Variants in UGGT1 observed in about 807,000 individuals in gnomAD.
The protein encoded by UGGT1 is UDP-glucose glycoprotein glucosyltransferase 1.
A neutral mutation model predicts 203.9 loss-of-function variants in UGGT1; 107 were observed. The observed-to-expected ratio is 0.52, with a 90% confidence interval of 0.45 to 0.62. The LOEUF is 0.62. UGGT1 is among the 20% of genes least tolerant of loss of function. The pLI is 0.00. For synonymous variants in UGGT1, 628 were observed against 653.5 expected (o/e 0.96, Z 0.59); for missense variants, 1,673 against 1,867.2 (o/e 0.90, Z 1.92).
At chr2:128,100,145 T>G (rs921269255) in intron 2 of UGGT1, among the ~76,000 whole-genome samples, 3 of 151,280 alleles carry the variant, frequency 2.0e-5, no homozygotes, top group African/African-American at 7.3e-5. Flanking sequence ...ATTCTCATTC[T>G]CCTGCCTTAG....
rs753999559 is a variant in UGGT1 at position 128,190,709 on chromosome 2, A to G, written c.*967A>G. The G allele has an allele frequency of 6.6e-6, 1 of 152,328 alleles. No homozygotes were observed. The highest frequency in any genetic ancestry group is 2.1e-4 in the South Asian group (1 of 4,832). 9.4% of individuals were successfully genotyped at this position (152,328 alleles called of 1,614,324 possible). ...CAGGCTCCCTCAAGACGAGCACCGCATTGTCTGCCCTCTTTTGCGTAGGAT... is the reference window on the plus strand; with the variant it reads ...CAGGCTCCCTCAAGACGAGCACCGCGTTGTCTGCCCTCTTTTGCGTAGGAT... On this transcript the variant is annotated 3_prime_UTR_variant, in exon 41 of 41. Transcript: ENST00000259253.
At chr2:128,122,108 T>G (rs886659647) in intron 10 of UGGT1, among the ~76,000 whole-genome samples, 2 of 152,152 alleles carry the variant, frequency 1.3e-5, no homozygotes, top group Non-Finnish European at 2.9e-5. Flanking sequence ...ATGCCTGTAA[T>G]CCCAGCACTT....
chr2:128,106,115 T>C (rs1277617100), intron 3 of UGGT1, among the ~76,000 whole-genome samples: 1 of 151,570 alleles, frequency 6.6e-6, no homozygotes, highest in Non-Finnish European at 1.5e-5. Flanking sequence ...TGAATCTTTT[T>C]TTTTTTTTTT....
intron 14 of UGGT1, among the ~76,000 whole-genome samples, chr2:128,134,060 A>G (rs1689013773): frequency 6.6e-6 from 1 of 152,138 alleles, no homozygotes; most frequent in Non-Finnish European, 1.5e-5. Flanking sequence ...TCCCGCAGAA[A>G]GAGTCTTGCT....
intron 4 of UGGT1, among the ~76,000 whole-genome samples, chr2:128,109,050 C>A (rs1225001601): frequency 6.6e-6 from 1 of 152,030 alleles, no homozygotes; most frequent in Non-Finnish European, 1.5e-5. Context: ...TGCTACCACA[C>A]CCAGCTAATT....
At chr2:128,145,490 A>C (rs1375155233) in intron 17 of UGGT1, among the ~76,000 whole-genome samples, 1 of 99,588 alleles carries the variant, frequency 1.0e-5, no homozygotes, top group African/African-American at 3.6e-5. Context: ...CCTGTGCTAC[A>C]CACACACACA....
chr2:128,097,795 A>G (rs1014155855), intron 2 of UGGT1, among the ~76,000 whole-genome samples: 1 of 152,214 alleles, frequency 6.6e-6, no homozygotes, highest in Admixed American at 6.5e-5. Context: ...TGGACAAATA[A>G]CTGTGTTGGA....
intron 26 of UGGT1, among the ~76,000 whole-genome samples, chr2:128,168,986 G>A (rs1690942698): frequency 6.9e-6 from 1 of 145,622 alleles, no homozygotes; most frequent in South Asian, 2.2e-4. Context: ...GGTGGAGGTT[G>A]CAGTGAACCG....
intron 35 of UGGT1, 75 bp downstream of exon 35, chr2:128,179,945 T>A: frequency 7.0e-7 from 1 of 1,423,186 alleles, no homozygotes; most frequent in Non-Finnish European, 9.7e-7. Flanking sequence ...ACTTTTGTTT[T>A]ATCTGTATAC....
intron 39 of UGGT1, chr2:128,187,181 C>T: frequency 3.0e-6 from 1 of 336,838 alleles, no homozygotes; most frequent in Non-Finnish European, 5.3e-6. Flanking sequence ...TGCTGAGTCA[C>T]TCCTTGGCTT....
intron 15 of UGGT1, among the ~76,000 whole-genome samples, chr2:128,135,374 T>C (rs1453499449): frequency 6.6e-6 from 1 of 152,210 alleles, no homozygotes; most frequent in African/African-American, 2.4e-5. Flanking sequence ...GTTACTTCAC[T>C]TGTGTTGCCA....
Position 128,155,594 on chromosome 2 carries a change from C to T in UGGT1, c.2236+7C>T. ...AACTATCTGACAAAGAAAGGTAATCCATTTGAGGCTTATTATCTTGCATTC... is the reference window on the plus strand; with the variant it reads ...AACTATCTGACAAAGAAAGGTAATCTATTTGAGGCTTATTATCTTGCATTC... On this transcript the variant is annotated splice_region_variant and intron_variant, in intron 20 of 40. Coordinates refer to ENST00000259253, the MANE Select transcript of UGGT1 (RefSeq NM_020120.4). 6.2e-7 allele frequency: 1 copy of T among 1,601,630 alleles called. No homozygotes were observed. The highest frequency in any genetic ancestry group is 8.5e-7 in the Non-Finnish European group (1 of 1,173,716).
In UGGT1 at chr2:128,092,237, CTT is replaced by C. The variant is rs5834189; in HGVS notation, c.58+834_58+835del. Among the ~76,000 whole-genome samples, 479 of 145,564 alleles carry C rather than the reference CTT, an allele frequency of 3.3e-3. 1 individual carries two copies. The highest frequency in any genetic ancestry group is 8.2e-3 in the African/African-American group (326 of 39,870). On this transcript the variant is annotated intron_variant, in intron 1 of 40. Transcript: ENST00000259253. ...GAATAATTGTAGCCTTTTCACTTTG[CTT>C]TTTTTTTTTTTAAGCCAGTCGAATT...
At chr2:128,135,913 G>T (rs546265314) in intron 15 of UGGT1, among the ~76,000 whole-genome samples, 1 of 152,188 alleles carries the variant, frequency 6.6e-6, no homozygotes, top group Non-Finnish European at 1.5e-5. Context: ...GAATACATCT[G>T]GTTAGATGGA....
At chr2:128,152,681 AG>A in intron 18 of UGGT1, 102 bp from the exon 19 acceptor site, 1 of 1,457,566 alleles carries the variant, frequency 6.9e-7, no homozygotes, top group Non-Finnish European at 9.2e-7. Flanking sequence ...ATTAGCACAG[AG>A]GAAGCCATTT....
chr2:128,122,451 T>G (rs1392610676), intron 10 of UGGT1, among the ~76,000 whole-genome samples: 2 of 151,924 alleles, frequency 1.3e-5, no homozygotes, highest in African/African-American at 4.8e-5. Flanking sequence ...GGAGAATCGC[T>G]TGAACCCGGG....
intron 34 of UGGT1, among the ~76,000 whole-genome samples, chr2:128,179,287 A>G (rs1264189058): frequency 6.6e-6 from 1 of 152,212 alleles, no homozygotes; most frequent in Non-Finnish European, 1.5e-5. Context: ...AAATTCCTCC[A>G]TTCAAAAATG....
chr2:128,092,603 TTC>T (rs1491530573), intron 1 of UGGT1, among the ~76,000 whole-genome samples: 18 of 65,798 alleles, frequency 2.7e-4, no homozygotes, highest in African/African-American at 7.5e-4. Context: ...CTTTCTTTCT[TTC>T]TTTTTTTTTT....
chr2:128,190,006 G>A lies in UGGT1; in HGVS notation c.*264G>A. 2.7e-6 allele frequency: 1 copy of A among 377,050 alleles called. No individual in the cohort carries two copies. Among genetic ancestry groups the A allele is most frequent in the East Asian group, 4.0e-5 (1 of 25,274 alleles). The allele number at this position is 377,050 out of a possible 1,614,324, so 23.4% of individuals were successfully genotyped here. A position where few individuals can be genotyped will look rare whatever the true frequency, so the allele number is the denominator to read the frequency against. On this transcript the variant is annotated 3_prime_UTR_variant, in exon 41 of 41. Transcript: ENST00000259253. ...GTAAAGAGCATTCTTCTAGTCAGAGGGTGGAATGGCAGCAGCAACTGGAAG... is the reference window on the plus strand; with the variant it reads ...GTAAAGAGCATTCTTCTAGTCAGAGAGTGGAATGGCAGCAGCAACTGGAAG...
Sources: allele counts gnomAD v4.1 joint callset (sites outside exome capture counted in the v4.1 genomes callset), GRCh38; gene constraint gnomAD v4.1.1; transcripts MANE v1.5; gene names NCBI Gene and HGNC (gene_info 2026-07-23, HGNC 2026-07-21).